CLVS1: variants seen among roughly 807,000 people sequenced by gnomAD.
The protein encoded by CLVS1 is clavesin 1.
A neutral mutation model predicts 33.1 loss-of-function variants in CLVS1; 10 were observed. That is an observed-to-expected ratio of 0.30 (90% CI 0.19 to 0.51). The LOEUF (loss-of-function observed/expected upper bound fraction) is 0.51, where lower values mean the gene tolerates loss of function less well. Ranked by LOEUF, CLVS1 falls within the 20% of genes least tolerant of loss-of-function variation. The pLI is 0.97. For missense variants in CLVS1, 343 were observed against 433.4 expected, an observed-to-expected ratio of 0.79 and a Z score of 1.85; for synonymous variants, 163 against 166.1, an observed-to-expected ratio of 0.98 and a Z score of 0.14.
chr8:61,078,666 C>T (rs1459858914), intron 1 of CLVS1, among the ~76,000 whole-genome samples: 2 of 152,098 alleles, frequency 1.3e-5, no homozygotes, highest in African/African-American at 4.8e-5. Flanking sequence ...ACTAATGTTC[C>T]TTCTCTTATT....
At chr8:61,476,228 C>T (rs1432686184) in intron 5 of CLVS1, among the ~76,000 whole-genome samples, 5 of 152,100 alleles carry the variant, frequency 3.3e-5, no homozygotes, top group East Asian at 1.9e-4. Context: ...AGTCAGGTAG[C>T]GTGATGCCTC....
At chr8:61,271,886 T>C (rs572772805) in intron 2 of CLVS1, among the ~76,000 whole-genome samples, 15 of 151,558 alleles carry the variant, frequency 9.9e-5, no homozygotes, top group Admixed American at 6.6e-4. Context: ...TCCTCCATCC[T>C]TTTATTTTGA....
At chr8:60,968,212 G>A in the CLVS1 span, among the ~76,000 whole-genome samples, 1 of 152,204 alleles carries the variant, frequency 6.6e-6, no homozygotes, top group African/African-American at 2.4e-5. Flanking sequence ...GCTGATAGGT[G>A]TGACCCACTG....
chr8:61,225,509 A>T (rs1239835128), intron 2 of CLVS1, among the ~76,000 whole-genome samples: 1 of 152,212 alleles, frequency 6.6e-6, no homozygotes, highest in East Asian at 1.9e-4. Context: ...GAACTTGTTA[A>T]GATTTGAAAA....
chr8:61,482,390 A>G (rs4284040), intron 5 of CLVS1, among the ~76,000 whole-genome samples: 149,869 of 151,878 alleles, frequency 0.99, 73,949 homozygotes, highest in Middle Eastern at 1. Flanking sequence ...CAGATAATCC[A>G]TAATAACAAA....
chr8:61,252,849 C>A (rs1327419578), intron 2 of CLVS1, among the ~76,000 whole-genome samples: 1 of 152,206 alleles, frequency 6.6e-6, no homozygotes, highest in African/African-American at 2.4e-5. Flanking sequence ...ATACAGCACA[C>A]TGATGGGTCT....
chr8:61,264,611 T>C (rs574586764), intron 2 of CLVS1: 2 of 152,320 alleles, frequency 1.3e-5, no homozygotes, highest in South Asian at 4.1e-4. Flanking sequence ...TTCAAAGATT[T>C]TTTGAATTGC....
At chr8:61,016,436 CTCTG>C in the CLVS1 span, among the ~76,000 whole-genome samples, 3 of 152,238 alleles carry the variant, frequency 2.0e-5, no homozygotes, top group South Asian at 6.2e-4. Flanking sequence ...TCACCAAGGG[CTCTG>C]TCTGACATTA....
intron 2 of CLVS1, among the ~76,000 whole-genome samples, chr8:61,242,411 ATC>A (rs1170917367): frequency 1.3e-5 from 2 of 151,722 alleles, no homozygotes; most frequent in South Asian, 4.2e-4. Context: ...TTCTTGTTTC[ATC>A]TCTTTCCTGC....
At chr8:61,480,135 C>T (rs547106851) in intron 5 of CLVS1, among the ~76,000 whole-genome samples, 2 of 152,240 alleles carry the variant, frequency 1.3e-5, no homozygotes, top group Admixed American at 6.5e-5. Flanking sequence ...TTTGAGTCTG[C>T]AGAGGTTATT....
At chr8:61,319,552 A>G (rs1304197316) in intron 2 of CLVS1, among the ~76,000 whole-genome samples, 1 of 152,112 alleles carries the variant, frequency 6.6e-6, no homozygotes, top group East Asian at 1.9e-4. Flanking sequence ...TCTCATCACT[A>G]TGGAAGTGTT....
chr8:61,395,476 A>C (rs989105690), intron 3 of CLVS1, among the ~76,000 whole-genome samples: 1 of 152,250 alleles, frequency 6.6e-6, no homozygotes, highest in African/African-American at 2.4e-5. Context: ...ACACACACAC[A>C]AAAATGATAA....
chr8:61,071,237 A>G (rs1481568798), intron 1 of CLVS1, among the ~76,000 whole-genome samples: 1 of 152,224 alleles, frequency 6.6e-6, no homozygotes, highest in Non-Finnish European at 1.5e-5. Flanking sequence ...TTGCTGCTGT[A>G]AGAAAGTATC....
intron 2 of CLVS1, among the ~76,000 whole-genome samples, chr8:61,228,968 CT>C (rs924629063): frequency 8.5e-5 from 13 of 152,154 alleles, no homozygotes; most frequent in Non-Finnish European, 1.9e-4. Context: ...AACCACCATG[CT>C]GTTTTCCATA....
chr8:60,990,522 T>C, the CLVS1 span, among the ~76,000 whole-genome samples: 2 of 152,036 alleles, frequency 1.3e-5, no homozygotes, highest in Non-Finnish European at 2.9e-5. Context: ...AATGTGGAAA[T>C]TTGTTGAAGC....
At chr8:61,354,270 C>G (rs1442870495) in intron 2 of CLVS1, among the ~76,000 whole-genome samples, 1 of 151,948 alleles carries the variant, frequency 6.6e-6, no homozygotes, top group Admixed American at 6.6e-5. Context: ...ATGAGATACA[C>G]GCCTACCAGA....
intron 2 of CLVS1, among the ~76,000 whole-genome samples, chr8:61,132,540 G>T (rs1341770412): frequency 6.6e-6 from 1 of 152,240 alleles, no homozygotes; most frequent in East Asian, 1.9e-4. Flanking sequence ...CCATAAAAGA[G>T]AAAAGAGAAT....
intron 3 of CLVS1, among the ~76,000 whole-genome samples, chr8:61,422,344 G>T (rs554076297): frequency 6.6e-6 from 1 of 152,326 alleles, no homozygotes; most frequent in South Asian, 2.1e-4. Flanking sequence ...GTTGAGTTGA[G>T]TGCTGGGTCT....
chr8:61,172,118 T>A (rs1293031283), intron 2 of CLVS1, among the ~76,000 whole-genome samples: 1 of 152,210 alleles, frequency 6.6e-6, no homozygotes, highest in Non-Finnish European at 1.5e-5. Flanking sequence ...TTATTAGACT[T>A]CATCCATCAC....
Sources: allele counts gnomAD v4.1 joint callset (sites outside exome capture counted in the v4.1 genomes callset), GRCh38; gene constraint gnomAD v4.1.1; transcripts MANE v1.5; gene names NCBI Gene and HGNC (gene_info 2026-07-23, HGNC 2026-07-21).